Variants in KYAT3 observed in about 807,000 individuals in gnomAD.
The protein encoded by KYAT3 is kynurenine aminotransferase 3.
A neutral mutation model predicts 59.0 loss-of-function variants in KYAT3; 50 were observed. The observed-to-expected ratio is 0.85, with a 90% CI of 0.68 to 1.07. The LOEUF is 1.07. Ranked by LOEUF, KYAT3 falls within the 50% of genes least tolerant of loss-of-function variation. The pLI is 0.00. For missense variants in KYAT3, 497 were observed against 533.3 expected (o/e 0.93, Z 0.67); for synonymous variants, 148 against 177.0 (o/e 0.84, Z 1.30).
At chr1:88,932,683 A>G (rs181755271), downstream of KYAT3, among the ~76,000 whole-genome samples, 1 of 152,002 alleles carries the variant, frequency 6.6e-6, no homozygotes, top group Non-Finnish European at 1.5e-5. Context: ...TTTTGTGGAG[A>G]TAAGGTCTCA....
At chr1:88,961,576 C>G in intron 6 of KYAT3, 70 bp from the exon 7 acceptor site, 2 of 1,321,766 alleles carry the variant, frequency 1.5e-6, no homozygotes. Context: ...AACGAATAAC[C>G]TAATAAGGAA....
chr1:88,983,900 T>G (rs543406135), intron 2 of KYAT3: 1 of 1,580,198 alleles, frequency 6.3e-7, no homozygotes, highest in East Asian at 2.2e-5. Flanking sequence ...AGGGGCTTCC[T>G]AGCAGCTCAG....
downstream of KYAT3, among the ~76,000 whole-genome samples, chr1:88,934,597 T>C (rs1355191195): frequency 6.6e-6 from 1 of 152,186 alleles, no homozygotes; most frequent in Non-Finnish European, 1.5e-5. Flanking sequence ...ACAGCCCAGG[T>C]ACAGGCATGG....
At chr1:88,924,531 C>A in the KYAT3 span, among the ~76,000 whole-genome samples, 1 of 152,246 alleles carries the variant, frequency 6.6e-6, no homozygotes, top group African/African-American at 2.4e-5. Flanking sequence ...CATTTCCAGG[C>A]AACTGCCTTT....
intron 4 of KYAT3, among the ~76,000 whole-genome samples, chr1:88,966,530 T>A (rs1459056997): frequency 6.6e-6 from 1 of 152,166 alleles, no homozygotes; most frequent in African/African-American, 2.4e-5. Flanking sequence ...TTGTTCATTT[T>A]AATATATAGA....
At chr1:88,966,023 T>A (rs1384303586) in intron 4 of KYAT3, among the ~76,000 whole-genome samples, 2 of 152,228 alleles carry the variant, frequency 1.3e-5, no homozygotes, top group Non-Finnish European at 2.9e-5. Flanking sequence ...CTTCATGCAA[T>A]AAGTAAAACT....
chr1:88,950,289 G>T (rs747439487), intron 10 of KYAT3, among the ~76,000 whole-genome samples: 8 of 152,176 alleles, frequency 5.3e-5, no homozygotes, highest in Non-Finnish European at 1.2e-4. Context: ...AGATCACAGA[G>T]ATTTTATGCC....
downstream of KYAT3, among the ~76,000 whole-genome samples, chr1:88,931,658 C>G (rs1260069160): frequency 6.6e-6 from 1 of 151,980 alleles, no homozygotes; most frequent in Non-Finnish European, 1.5e-5. Context: ...CCTTTAAACA[C>G]GGGGCTTGCA....
At chr1:88,960,775 A>G (rs923042266) in intron 8 of KYAT3, among the ~76,000 whole-genome samples, 1 of 152,290 alleles carries the variant, frequency 6.6e-6, no homozygotes, top group South Asian at 2.1e-4. Flanking sequence ...ATACCTGACT[A>G]CCCCTGTAAT....
intron 5 of KYAT3, among the ~76,000 whole-genome samples, chr1:88,962,957 C>A (rs1676203061): frequency 6.6e-6 from 1 of 150,750 alleles, no homozygotes; most frequent in Non-Finnish European, 1.5e-5. Context: ...TTGATTTTTT[C>A]ACTTTTATGA....
At chr1:88,922,270 T>G in the KYAT3 span, among the ~76,000 whole-genome samples, 1 of 152,060 alleles carries the variant, frequency 6.6e-6, no homozygotes, top group Non-Finnish European at 1.5e-5. Context: ...CTGAGAAAGA[T>G]GAGCCCAAAG....
chr1:88,968,867 C>CT (rs1186554592), intron 3 of KYAT3, 53 bp from the exon 4 acceptor site: 2 of 1,354,848 alleles, frequency 1.5e-6, no homozygotes, highest in African/African-American at 1.5e-5. Flanking sequence ...ATAAAGTTCG[C>CT]TTTTTTATAT....
At chr1:88,951,775 C>A (rs538250020) in intron 10 of KYAT3, among the ~76,000 whole-genome samples, 12 of 152,018 alleles carry the variant, frequency 7.9e-5, no homozygotes, top group African/African-American at 2.2e-4. Flanking sequence ...TCTTTAGCAG[C>A]CAGTAGACAG....
chr1:88,924,393 C>T, the KYAT3 span, among the ~76,000 whole-genome samples: 1 of 152,220 alleles, frequency 6.6e-6, no homozygotes, highest in Non-Finnish European at 1.5e-5. Flanking sequence ...TCATCCCTTT[C>T]CCCATCCTCC....
chr1:88,991,981 T>TG (rs931010786), intron 1 of KYAT3, among the ~76,000 whole-genome samples: 8 of 48,896 alleles, frequency 1.6e-4, no homozygotes, highest in Admixed American at 6.8e-4. Context: ...GGTATTCTTT[T>TG]GGTTTTTTTT....
Position 88,949,135 on chromosome 1 carries a change from A to G in KYAT3, c.1097T>C (p.Val366Ala), listed in dbSNP as rs1216246784. Reference sequence around the variant, plus strand: ...GATGATGAAGTATCCTCCATCAGGAACTATGGGTTTTAGGCCAACACTTTC... The same window carrying G: ...GATGATGAAGTATCCTCCATCAGGAGCTATGGGTTTTAGGCCAACACTTTC... ...LLESVGLKPIVPDGGYFIIAD... is the reference protein window; with the variant it reads ...LLESVGLKPIAPDGGYFIIAD... Residue 366 changes from valine to alanine, a missense_variant, in exon 11 of 14, where the codon GTT (valine) becomes GCT (alanine). Coordinates refer to ENST00000260508, the MANE Select transcript of KYAT3 (RefSeq NM_001008661.3). 2 of 1,607,034 alleles carry G rather than the reference A, an allele frequency of 1.2e-6. No homozygotes were observed. Among genetic ancestry groups the G allele is most frequent in the African/African-American group, 2.7e-5 (2 of 74,478 alleles).
chr1:88,978,416 G>A (rs906702630), intron 2 of KYAT3, among the ~76,000 whole-genome samples: 2 of 151,918 alleles, frequency 1.3e-5, no homozygotes, highest in Non-Finnish European at 2.9e-5. Flanking sequence ...ATGGCTCACT[G>A]CAGCCTCAAC....
chr1:88,988,171 A>T, intron 2 of KYAT3, 81 bp downstream of exon 2: 1 of 870,444 alleles, frequency 1.1e-6, no homozygotes, highest in East Asian at 2.5e-5. Context: ...AGTATTTGTA[A>T]AAAAGCATCT....
At chr1:88,921,163 A>G in the KYAT3 span, among the ~76,000 whole-genome samples, 1 of 152,146 alleles carries the variant, frequency 6.6e-6, no homozygotes, top group South Asian at 2.1e-4. Flanking sequence ...TCCTTATTAT[A>G]TAGACATTCA....
Sources: allele counts gnomAD v4.1 joint callset (sites outside exome capture counted in the v4.1 genomes callset), GRCh38; gene constraint gnomAD v4.1.1; transcripts MANE v1.5; gene names NCBI Gene and HGNC (gene_info 2026-07-23, HGNC 2026-07-21).